SIDT2: variants seen among roughly 807,000 people sequenced by gnomAD.
The protein encoded by SIDT2 is SID1 transmembrane family, member 2.
A neutral mutation model predicts 114.4 loss-of-function variants in SIDT2; 68 were observed. That is an observed-to-expected ratio of 0.59 (90% CI 0.49 to 0.73). The LOEUF is 0.73. Among genes scored for constraint, SIDT2 ranks in the 30% least tolerant of loss-of-function variants. The pLI is 0.00. For synonymous variants in SIDT2, 470 were observed against 438.4 expected, an observed-to-expected ratio of 1.07 and a Z score of -0.90; for missense variants, 918 against 1,097.1, an observed-to-expected ratio of 0.84 and a Z score of 2.31.
At position 117,182,612 on chromosome 11, in the gene SIDT2, G is replaced by C; in HGVS notation, c.610G>C (p.Asp204His). Reference protein sequence around the residue: ...AFPCSVISIQDVLCPVYDLDN... With the variant: ...AFPCSVISIQHVLCPVYDLDN... ...CCCCTGCTCAGTCATCTCCATTCAG[G>C]ATGTGCTGGTGAGTTGCCTGCCCTT... is the stretch of plus-strand genomic sequence containing the variant. Residue 204 changes from aspartate to histidine, a missense_variant, in exon 5 of 26, where the codon GAT (aspartate) becomes CAT (histidine). Asp to His is a moderately conservative substitution (Grantham distance 81). Coordinates refer to ENST00000324225, the MANE Select transcript of SIDT2 (RefSeq NM_001040455.2). 1.2e-6 allele frequency: 2 copies of C among 1,614,252 alleles called. No homozygotes were observed. The highest frequency in any genetic ancestry group is 1.7e-6 in the Non-Finnish European group (2 of 1,180,046).
At chr11:117,185,172 A>G (rs1015591865) in intron 8 of SIDT2, among the ~76,000 whole-genome samples, 5 of 150,984 alleles carry the variant, frequency 3.3e-5, no homozygotes, top group Admixed American at 1.3e-4. Context: ...GCCTCAGCCT[A>G]CCGAGTAGCT....
intron 8 of SIDT2, 91 bp from the exon 9 acceptor site, chr11:117,186,039 T>A: frequency 1.9e-6 from 2 of 1,025,742 alleles, no homozygotes; most frequent in Non-Finnish European, 3.0e-6. Flanking sequence ...GAGATTGAGC[T>A]GGGTGGAGGA....
At chr11:117,189,511 TC>T in intron 15 of SIDT2, 110 bp downstream of exon 15, 1 of 1,189,684 alleles carries the variant, frequency 8.4e-7, no homozygotes, top group Non-Finnish European at 1.2e-6. Flanking sequence ...TGGGTTCAGA[TC>T]CCAGCTCTGC....
chr11:117,182,694 A>G, intron 5 of SIDT2, 29 bp from the exon 6 acceptor site: 1 of 1,613,980 alleles, frequency 6.2e-7, no homozygotes, highest in South Asian at 1.1e-5. Context: ...CCAGGTTCCC[A>G]TCCATCTGCC....
chr11:117,193,039 T>C (rs1471299590), intron 22 of SIDT2, 114 bp from the exon 23 acceptor site: 3 of 1,345,444 alleles, frequency 2.2e-6, no homozygotes, highest in African/African-American at 1.4e-5. Flanking sequence ...TAGAATCTTC[T>C]GTGGGCTTCT....
Position 117,192,694 on chromosome 11 carries a change from T to C in SIDT2, c.2058+44T>C, listed in dbSNP as rs2030748389. 1 of 1,611,396 alleles carries C rather than the reference T, an allele frequency of 6.2e-7. No homozygotes were observed. Among genetic ancestry groups the C allele is most frequent in the Non-Finnish European group, 8.5e-7 (1 of 1,178,338 alleles). On this transcript the variant is annotated intron_variant, in intron 21 of 25. Coordinates refer to ENST00000324225, the MANE Select transcript of SIDT2 (RefSeq NM_001040455.2). This position sits in a 1 kb window ranked among gnomAD's most constrained non-coding sequence, Gnocchi z 5.9. ...TGCTCCATTCTCCACATCTCCTTTCTTCCCTCTGATGGGGGAGTGGGGCTG... is the reference window on the plus strand; with the variant it reads ...TGCTCCATTCTCCACATCTCCTTTCCTCCCTCTGATGGGGGAGTGGGGCTG...
intron 10 of SIDT2, chr11:117,187,085 G>T (rs550164823): frequency 2.1e-6 from 3 of 1,451,252 alleles, no homozygotes; most frequent in East Asian, 2.9e-5. Flanking sequence ...TGGAGGGCTC[G>T]TGGGCGGGCC....
chr11:117,185,767 A>G (rs1243552808), intron 8 of SIDT2, among the ~76,000 whole-genome samples: 1 of 151,502 alleles, frequency 6.6e-6, no homozygotes, highest in Non-Finnish European at 1.5e-5. Flanking sequence ...AGTCCCAGCT[A>G]CTCAGGAGGC....
rs1253196181 is a variant in SIDT2 at position 117,179,150 on chromosome 11, T to G, written c.-114T>G. ...TCTCAGGCCGGGGTTAAAGTTCTGG[T>G]CCTGGTGAGATGCTGGAAGCTGCGG... On this transcript the variant is annotated 5_prime_UTR_variant, in exon 1 of 26. Coordinates refer to ENST00000324225, the MANE Select transcript of SIDT2 (RefSeq NM_001040455.2). The G allele has an allele frequency of 1.0e-6, 1 of 992,926 alleles. No individual in the cohort carries two copies. The highest frequency in any genetic ancestry group is 1.6e-5 in the African/African-American group (1 of 61,152). 61.5% of individuals were successfully genotyped at this position (992,926 alleles called of 1,614,324 possible). A position where few individuals can be genotyped will look rare whatever the true frequency, so the allele number is the denominator to read the frequency against.
intron 8 of SIDT2, 175 bp from the exon 9 acceptor site, chr11:117,185,955 T>G: frequency 1.9e-6 from 1 of 521,570 alleles, no homozygotes; most frequent in East Asian, 3.3e-5. Context: ...TGTGTCAGAG[T>G]TTGGTGTATT....
At chr11:117,184,177 C>T (rs761807677) in intron 8 of SIDT2, 38 bp downstream of exon 8, 70 of 1,600,560 alleles carry the variant, frequency 4.4e-5, no homozygotes, top group Non-Finnish European at 5.7e-5. Flanking sequence ...ATGGACAAGC[C>T]TCTCTGGCTC....
Position 117,192,720 on chromosome 11 carries a change from G to A in SIDT2, c.2058+70G>A. ...TCCCTCTGATGGGGGAGTGGGGCTG[G>A]GCTGAGGACCCAGGGGAGAGTGGGG... is the stretch of plus-strand genomic sequence containing the variant. On this transcript the variant is annotated intron_variant, in intron 21 of 25. Transcript: ENST00000324225. This position sits in a 1 kb window ranked among gnomAD's most constrained non-coding sequence, Gnocchi z 5.9. 2 of 1,612,206 alleles carry A rather than the reference G, an allele frequency of 1.2e-6. No homozygotes were observed. The highest frequency in any genetic ancestry group is 1.1e-5 in the South Asian group (1 of 91,046).
chr11:117,192,003 G>T lies in SIDT2; in HGVS notation c.1861G>T (p.Val621Leu). The change falls in exon 19 of 26, where the codon GTG becomes TTG. Residue 621 changes from valine to leucine, a missense_variant. By Grantham distance (32) the Val-to-Leu change is conservative (BLOSUM62 1). Coordinates refer to ENST00000324225, the MANE Select transcript of SIDT2 (RefSeq NM_001040455.2). The surrounding 1 kb of genome is among the most constrained non-coding windows in gnomAD (Gnocchi z 5.9). The stretch of plus-strand genomic sequence containing the variant: ...CCTGGCCATTGTCATCTTCTTCTCT[G>T]TGCTGGGCGTGGTGAGGGCCTGACC... ...ACLAIVIFFS[V>L]LGVVFGKGNT... is the part of the protein sequence containing the mutation. 1 of 1,614,136 alleles carries T rather than the reference G, an allele frequency of 6.2e-7. No individual in the cohort carries two copies. Among genetic ancestry groups the T allele is most frequent in the Non-Finnish European group, 8.5e-7 (1 of 1,180,030 alleles).
At chr11:117,182,342 G>T in intron 4 of SIDT2, 177 bp from the exon 5 acceptor site, 1 of 710,686 alleles carries the variant, frequency 1.4e-6, no homozygotes, top group Non-Finnish European at 2.4e-6. Flanking sequence ...TGAGGTTGAA[G>T]GGAATGGTAT....
At position 117,190,575 on chromosome 11, in the gene SIDT2, T is replaced by C; in HGVS notation, c.1618-48T>C. ...TCCCTCTTTTGGGTCCCTTCTTCCCTTCCTGCCTCACTTCCTCCCTCCCTT... is the reference window on the plus strand; with the variant it reads ...TCCCTCTTTTGGGTCCCTTCTTCCCCTCCTGCCTCACTTCCTCCCTCCCTT... On this transcript the variant is annotated intron_variant, in intron 17 of 25. Transcript: ENST00000324225. The surrounding 1 kb of genome is among the most constrained non-coding windows in gnomAD (Gnocchi z 4.1). 1 of 1,477,876 alleles carries C rather than the reference T, an allele frequency of 6.8e-7. No individual in the cohort carries two copies. Among genetic ancestry groups the C allele is most frequent in the East Asian group, 2.5e-5 (1 of 40,758 alleles). 91.5% of individuals were successfully genotyped at this position (1,477,876 alleles called of 1,614,324 possible). A position where few individuals can be genotyped will look rare whatever the true frequency, so the allele number is the denominator to read the frequency against.
intron 1 of SIDT2, among the ~76,000 whole-genome samples, chr11:117,180,282 G>A (rs1391265609): frequency 6.6e-6 from 1 of 152,138 alleles, no homozygotes. Flanking sequence ...GGCAGGCCAG[G>A]ATCTGCCCCC....
In SIDT2 at chr11:117,182,055, T is replaced by C. The variant is rs755989576; in HGVS notation, c.471-5T>C. ...GACTGGTGGGGGCTCTTCTCTGCCC[T>C]GCAGGACTGGGGAGCAGTTCAGCTT... is the stretch of plus-strand genomic sequence containing the variant. On this transcript the variant is annotated splice_region_variant and splice_polypyrimidine_tract_variant and intron_variant, in intron 3 of 25. Coordinates refer to ENST00000324225, the MANE Select transcript of SIDT2 (RefSeq NM_001040455.2). The C allele has an allele frequency of 1.2e-6, 2 of 1,614,098 alleles. No individual in the cohort carries two copies. The highest frequency in any genetic ancestry group is 1.7e-4 in the Middle Eastern group (1 of 6,016).
chr11:117,192,959 A>G lies in SIDT2; in HGVS notation c.2105+93A>G, dbSNP rs543417424. On this transcript the variant is annotated intron_variant, in intron 22 of 25. Coordinates refer to ENST00000324225, the MANE Select transcript of SIDT2 (RefSeq NM_001040455.2). The surrounding 1 kb of genome is among the most constrained non-coding windows in gnomAD (Gnocchi z 5.9). ...CTTGGGGGCTAAGGACAACTTCCAA[A>G]TGTTGGGCATAAGACATGGGGGCTA... The G allele has an allele frequency of 3.9e-5, 60 of 1,523,850 alleles. No homozygotes were observed. In the African/African-American group the frequency reaches 7.5e-4, roughly 19 times the overall value. 94.4% of individuals were successfully genotyped at this position (1,523,850 alleles called of 1,614,324 possible).
intron 18 of SIDT2, 104 bp from the exon 19 acceptor site, chr11:117,191,773 TG>T: frequency 6.7e-7 from 1 of 1,494,574 alleles, no homozygotes; most frequent in Non-Finnish European, 9.0e-7. Context: ...ATGGCCGTGG[TG>T]GGGCACCAGG....
Sources: allele counts gnomAD v4.1 joint callset (sites outside exome capture counted in the v4.1 genomes callset), GRCh38; gene constraint gnomAD v4.1.1; non-coding constraint Gnocchi (gnomAD v3.1); transcripts MANE v1.5; gene names NCBI Gene and HGNC (gene_info 2026-07-23, HGNC 2026-07-21).